The following ZNRF3 variants were observed in gnomAD, a reference collection of about 807,000 sequenced individuals.
The protein encoded by ZNRF3 is zinc and ring finger 3, also known as E3 ubiquitin-protein ligase ZNRF3.
In ZNRF3, 23 loss-of-function variants were observed where a neutral mutation model predicts 72.5. That is an observed-to-expected ratio of 0.32 (90% confidence interval 0.23 to 0.45). The LOEUF (loss-of-function observed/expected upper bound fraction) is 0.45, where lower values mean the gene tolerates loss of function less well. Ranked by LOEUF, ZNRF3 falls within the 20% of genes least tolerant of loss-of-function variation. The pLI is 1.00. For synonymous variants in ZNRF3, 610 were observed against 545.3 expected, an observed-to-expected ratio of 1.12 and a Z score of -1.65; for missense variants, 1,169 against 1,272.1, an observed-to-expected ratio of 0.92 and a Z score of 1.23.
chr22:28,922,881 TAGC>T (rs2034534749), intron 1 of ZNRF3, among the ~76,000 whole-genome samples: 1 of 152,200 alleles, frequency 6.6e-6, no homozygotes, highest in East Asian at 1.9e-4. Flanking sequence ...GTTAAACGTG[TAGC>T]AGAAGAGGTG....
chr22:28,889,479 T>C (rs2033847837), intron 1 of ZNRF3, among the ~76,000 whole-genome samples: 1 of 152,168 alleles, frequency 6.6e-6, no homozygotes, highest in Non-Finnish European at 1.5e-5. Flanking sequence ...CAGGTCTGGG[T>C]GCCTCCATTG....
chr22:29,007,114 G>A (rs1468482596), intron 2 of ZNRF3, among the ~76,000 whole-genome samples: 2 of 152,168 alleles, frequency 1.3e-5, no homozygotes, highest in East Asian at 3.9e-4. Flanking sequence ...GGGAGGAGGG[G>A]ACAGAACGAC....
intron 1 of ZNRF3, among the ~76,000 whole-genome samples, chr22:28,888,889 G>C (rs1203793071): frequency 6.6e-6 from 1 of 152,100 alleles, no homozygotes; most frequent in African/African-American, 2.4e-5. Context: ...AGGTCGAGGC[G>C]GGTGGATCAC....
chr22:28,952,086 C>T (rs923003936), intron 1 of ZNRF3, among the ~76,000 whole-genome samples: 13 of 152,294 alleles, frequency 8.5e-5, no homozygotes, highest in African/African-American at 2.2e-4. Flanking sequence ...CCCAGCTGAC[C>T]GCTGGTTTGC....
chr22:28,994,332 AT>A (rs1569274259), intron 2 of ZNRF3, among the ~76,000 whole-genome samples: 1 of 151,116 alleles, frequency 6.6e-6, no homozygotes, highest in Non-Finnish European at 1.5e-5. Flanking sequence ...GATTACAGGC[AT>A]GCACCACCAC....
At position 29,048,325 on chromosome 22, in the gene ZNRF3, A is replaced by T; in HGVS notation, c.913-64A>T. ...TGCAGAACTCCTTGGTCTATGCTGG[A>T]CTCTGCAGGAGGACACACCTGCGAG... On this transcript the variant is annotated intron_variant, in intron 6 of 8. Transcript: ENST00000544604. This position sits in a 1 kb window ranked among gnomAD's most constrained non-coding sequence, Gnocchi z 4.9. 1 of 1,391,852 alleles carries T rather than the reference A, an allele frequency of 7.2e-7. No homozygotes were observed. Among genetic ancestry groups the T allele is most frequent in the South Asian group, 1.2e-5 (1 of 83,286 alleles). The allele number at this position is 1,391,852 out of a possible 1,614,324, so 86.2% of individuals were successfully genotyped here. A position where few individuals can be genotyped will look rare whatever the true frequency, so the allele number is the denominator to read the frequency against.
intron 2 of ZNRF3, among the ~76,000 whole-genome samples, chr22:29,013,259 G>C (rs2036375613): frequency 6.6e-6 from 1 of 152,128 alleles, no homozygotes; most frequent in Admixed American, 6.6e-5. Context: ...GCTTCAACTT[G>C]GAGAAAAACG....
intron 4 of ZNRF3, 59 bp from the exon 5 acceptor site, chr22:29,044,721 T>C: frequency 1.7e-6 from 2 of 1,186,954 alleles, no homozygotes; most frequent in Non-Finnish European, 2.5e-6. Context: ...AGATAGCCCA[T>C]GTGCCGCTTA....
At chr22:29,018,030 G>A (rs771551799) in intron 2 of ZNRF3, 2 of 519,048 alleles carry the variant, frequency 3.9e-6, no homozygotes, top group South Asian at 2.8e-5. Context: ...AGAAATGGGG[G>A]AACTGTGTGG....
chr22:28,908,316 C>G (rs2034250521), intron 1 of ZNRF3, among the ~76,000 whole-genome samples: 1 of 152,182 alleles, frequency 6.6e-6, no homozygotes, highest in South Asian at 2.1e-4. Flanking sequence ...AACTTACCTT[C>G]TCCTGGGAGT....
intron 2 of ZNRF3, among the ~76,000 whole-genome samples, chr22:29,036,131 C>G (rs1376604556): frequency 6.6e-6 from 1 of 152,166 alleles, no homozygotes; most frequent in Admixed American, 6.5e-5. Context: ...TAGGGGGTAA[C>G]AGATGAGTTA....
At position 29,044,991 on chromosome 22, in the gene ZNRF3, G is replaced by A. The variant is rs2037038491; in HGVS notation, c.744+101G>A. On this transcript the variant is annotated intron_variant, in intron 5 of 8. Coordinates refer to ENST00000544604, the MANE Select transcript of ZNRF3 (RefSeq NM_001206998.2). ...CCTTATTTTTTGATGGTGCAACATG[G>A]AGCCTCACAGCTGTGGACTCTGAGC... 6.2e-6 allele frequency: 5 copies of A among 810,738 alleles called. No homozygotes were observed. The East Asian group carries it at 1.3e-4, about 21-fold the overall frequency. The allele number at this position is 810,738 out of a possible 1,614,324, so 50.2% of individuals were successfully genotyped here.
chr22:28,957,099 T>A (rs1003533511), intron 1 of ZNRF3, among the ~76,000 whole-genome samples: 12 of 152,314 alleles, frequency 7.9e-5, no homozygotes, highest in African/African-American at 2.9e-4. Flanking sequence ...GCAGTGTAGA[T>A]TTACACAGAG....
At chr22:28,937,169 CTTATAATATATATATATATAT>C (rs1569252340) in intron 1 of ZNRF3, among the ~76,000 whole-genome samples, 2 of 128,604 alleles carry the variant, frequency 1.6e-5, no homozygotes, top group Admixed American at 7.7e-5. Flanking sequence ...CTACTTCTCT[CTTATAATATATATATATATAT>C]ATATATATAT....
At chr22:28,967,090 T>C (rs564089864) in intron 1 of ZNRF3, among the ~76,000 whole-genome samples, 19 of 152,186 alleles carry the variant, frequency 1.2e-4, no homozygotes, top group African/African-American at 3.9e-4. Flanking sequence ...CCATGTTGGC[T>C]AGGCTGGTCT....
chr22:28,962,929 G>GACTA (rs1160720470), intron 1 of ZNRF3, among the ~76,000 whole-genome samples: 65 of 152,332 alleles, frequency 4.3e-4, no homozygotes, highest in African/African-American at 1.5e-3. Context: ...CTTGTACCCT[G>GACTA]AACATCCTTT....
chr22:28,993,749 C>T (rs1227063082), intron 2 of ZNRF3, among the ~76,000 whole-genome samples: 1 of 152,240 alleles, frequency 6.6e-6, no homozygotes, highest in African/African-American at 2.4e-5. Flanking sequence ...GTGGCACAAT[C>T]ATGGCTCACT....
chr22:29,006,213 CTT>C (rs372438825), intron 2 of ZNRF3, among the ~76,000 whole-genome samples: 137 of 106,500 alleles, frequency 1.3e-3, no homozygotes, highest in African/African-American at 3.1e-3. Context: ...TCATCCGTTT[CTT>C]TTTTTTTTTT....
intron 1 of ZNRF3, among the ~76,000 whole-genome samples, chr22:28,923,837 T>A (rs1011111628): frequency 6.6e-6 from 1 of 152,256 alleles, no homozygotes; most frequent in South Asian, 2.1e-4. Flanking sequence ...GGTGTATGTG[T>A]TTCACTGCTC....
Sources: allele counts gnomAD v4.1 joint callset (sites outside exome capture counted in the v4.1 genomes callset), GRCh38; gene constraint gnomAD v4.1.1; non-coding constraint Gnocchi (gnomAD v3.1); transcripts MANE v1.5; gene names NCBI Gene and HGNC (gene_info 2026-07-23, HGNC 2026-07-21).